The following ERBIN variants were observed in gnomAD, a reference collection of about 807,000 sequenced individuals.
ERBIN encodes densin-180-like protein.
ERBIN carries 60 observed loss-of-function variants against 158.4 expected under a neutral mutation model. The observed-to-expected ratio is 0.38, with a 90% CI of 0.31 to 0.47. The LOEUF is 0.47. ERBIN is among the 20% of genes least tolerant of loss of function. ERBIN has a pLI of 0.99. For missense variants in ERBIN, 1,610 were observed against 1,648.0 expected (o/e 0.98, Z 0.40); for synonymous variants, 594 against 557.2 (o/e 1.07, Z -0.93).
chr5:66,019,123 T>TA (rs1239632892), intron 7 of ERBIN, among the ~76,000 whole-genome samples: 1 of 152,202 alleles, frequency 6.6e-6, no homozygotes, highest in Non-Finnish European at 1.5e-5. Flanking sequence ...AGGTATAAGA[T>TA]ACATGTTGTC....
intron 1 of ERBIN, chr5:65,984,615 G>C (rs1002378423): frequency 6.6e-6 from 1 of 152,460 alleles, no homozygotes; most frequent in Non-Finnish European, 1.5e-5. Context: ...TGGATGCCCT[G>C]TGGGTATCAG....
chr5:66,054,718 A>C lies in ERBIN; in HGVS notation c.3400A>C (p.Ile1134Leu). 1.2e-6 allele frequency: 2 copies of C among 1,614,172 alleles called. No individual in the cohort carries two copies. The highest frequency in any genetic ancestry group is 1.7e-6 in the Non-Finnish European group (2 of 1,180,004). The change falls in exon 21 of 26, where the codon ATA (isoleucine) becomes CTA (leucine). Residue 1134 changes from isoleucine (I) to leucine (L), a missense_variant. Coordinates refer to ENST00000284037, the MANE Select transcript of ERBIN (RefSeq NM_001253697.2). ...ACCCCTTTCTGCACGAACATACAGC[A>C]TAGATGGTCCAAATGCATCAAGACC... ...QRPLSARTYS[I>L]DGPNASRPQS...
chr5:66,045,207 A>C (rs983522775), intron 17 of ERBIN, among the ~76,000 whole-genome samples: 4 of 152,130 alleles, frequency 2.6e-5, no homozygotes, highest in Non-Finnish European at 5.9e-5. Context: ...TGACAGAGCG[A>C]GACCCTGTCT....
chr5:65,946,020 C>T lies in ERBIN; in HGVS notation c.-58+19214C>T, dbSNP rs527679136. Among the ~76,000 whole-genome samples the T allele has an allele frequency of 2.0e-5, 3 of 152,074 alleles. No homozygotes were observed. The South Asian group carries it at 6.2e-4, about 32-fold the overall frequency. ...TTTTTATTGCTATCACAGCCATCTC[C>T]CTCCTATATTCCCTTTACCCCCTGC... is the stretch of plus-strand genomic sequence containing the variant. On this transcript the variant is annotated intron_variant, in intron 1 of 25. Transcript: ENST00000284037.
intron 22 of ERBIN, among the ~76,000 whole-genome samples, chr5:66,073,564 A>G (rs1292285519): frequency 1.3e-5 from 2 of 152,224 alleles, no homozygotes; most frequent in Admixed American, 6.5e-5. Flanking sequence ...ACAGTTTAAC[A>G]GTGAAATAGA....
chr5:66,067,446 A>G (rs1037866523), intron 21 of ERBIN, among the ~76,000 whole-genome samples: 7 of 152,208 alleles, frequency 4.6e-5, no homozygotes, highest in Non-Finnish European at 8.8e-5. Context: ...CTCAGCACTC[A>G]GGGACATGAC....
At chr5:66,006,080 G>T (rs542009096) in intron 4 of ERBIN, among the ~76,000 whole-genome samples, 7 of 152,034 alleles carry the variant, frequency 4.6e-5, no homozygotes, top group Admixed American at 2.6e-4. Flanking sequence ...AGCCCGCATC[G>T]CCAAGTCAAT....
At chr5:65,942,133 A>T (rs1218258417) in intron 1 of ERBIN, among the ~76,000 whole-genome samples, 1 of 152,224 alleles carries the variant, frequency 6.6e-6, no homozygotes, top group Non-Finnish European at 1.5e-5. Context: ...ACTCACTATC[A>T]CTGTAAATGA....
intron 14 of ERBIN, among the ~76,000 whole-genome samples, chr5:66,034,770 G>A (rs537282393): frequency 6.6e-6 from 1 of 152,230 alleles, no homozygotes; most frequent in East Asian, 1.9e-4. Context: ...AATTTGCTCA[G>A]CAATGTAATA....
chr5:65,946,562 A>G (rs1251304139), intron 1 of ERBIN, among the ~76,000 whole-genome samples: 1 of 152,182 alleles, frequency 6.6e-6, no homozygotes, highest in South Asian at 2.1e-4. Flanking sequence ...ATTGTTGTCA[A>G]TTTTTGGCTA....
At chr5:65,954,006 C>G (rs1434027612) in intron 1 of ERBIN, among the ~76,000 whole-genome samples, 1 of 152,060 alleles carries the variant, frequency 6.6e-6, no homozygotes, top group Non-Finnish European at 1.5e-5. Context: ...ACTCGTTACT[C>G]CCCTACACTC....
At chr5:66,076,520 A>C in intron 24 of ERBIN, 112 bp downstream of exon 24, 1 of 841,994 alleles carries the variant, frequency 1.2e-6, no homozygotes, top group Non-Finnish European at 1.9e-6. Context: ...GGTAGACATC[A>C]CCTGGATTCC....
chr5:65,990,429 G>A (rs1289453285), intron 2 of ERBIN, among the ~76,000 whole-genome samples: 1 of 151,400 alleles, frequency 6.6e-6, no homozygotes, highest in African/African-American at 2.4e-5. Flanking sequence ...AGCACTTTGG[G>A]AGGCCAAGAC....
intron 7 of ERBIN, among the ~76,000 whole-genome samples, chr5:66,017,519 T>A (rs77151463): frequency 3.3e-4 from 2 of 5,984 alleles, no homozygotes; most frequent in South Asian, 8.1e-3. Flanking sequence ...TACAATAGAA[T>A]TTTTTTTTTT....
chr5:65,948,440 G>C (rs980928620), intron 1 of ERBIN, among the ~76,000 whole-genome samples: 3 of 151,880 alleles, frequency 2.0e-5, no homozygotes, highest in African/African-American at 7.3e-5. Context: ...GCATCCCAAA[G>C]TGCTGGGCTT....
intron 4 of ERBIN, among the ~76,000 whole-genome samples, chr5:65,999,239 G>C (rs971632987): frequency 6.6e-6 from 1 of 152,176 alleles, no homozygotes; most frequent in East Asian, 1.9e-4. Flanking sequence ...GGTGGTGGAC[G>C]CCTATAATCC....
chr5:65,955,633 A>G (rs1038014563), intron 1 of ERBIN, among the ~76,000 whole-genome samples: 3 of 152,190 alleles, frequency 2.0e-5, no homozygotes, highest in Non-Finnish European at 4.4e-5. Flanking sequence ...CAACAAACAA[A>G]CAAACATCAG....
intron 21 of ERBIN, among the ~76,000 whole-genome samples, chr5:66,064,074 T>C (rs1419526704): frequency 6.6e-6 from 1 of 152,218 alleles, no homozygotes; most frequent in Admixed American, 6.5e-5. Flanking sequence ...TTGGGGACTT[T>C]TTGATACATT....
chr5:66,030,334 G>T (rs749998072), intron 14 of ERBIN, among the ~76,000 whole-genome samples: 1 of 152,058 alleles, frequency 6.6e-6, no homozygotes, highest in Admixed American at 6.6e-5. Flanking sequence ...GAGCCACCAC[G>T]CCCAGCTTTA....
Sources: gnomAD v4.1 joint callset for allele counts (sites outside exome capture counted in the v4.1 genomes callset) on GRCh38, gnomAD v4.1.1 for gene constraint, MANE v1.5 for transcripts, NCBI Gene and HGNC (gene_info 2026-07-23, HGNC 2026-07-21) for gene names.